Variants in BRDT observed in about 807,000 individuals in gnomAD.
The protein encoded by BRDT is bromodomain testis-specific protein.
A neutral mutation model predicts 113.9 loss-of-function variants in BRDT; 77 were observed. That is an observed-to-expected ratio of 0.68 (90% CI 0.56 to 0.82). The LOEUF is 0.82. Ranked by LOEUF, BRDT falls within the 40% of genes least tolerant of loss-of-function variation. The pLI is 0.00. For synonymous variants in BRDT, 358 were observed against 366.5 expected, an observed-to-expected ratio of 0.98 and a Z score of 0.26; for missense variants, 1,027 against 1,105.4, an observed-to-expected ratio of 0.93 and a Z score of 1.01.
intron 1 of BRDT, 89 bp from the exon 2 acceptor site, chr1:91,962,629 C>G (rs924444103): frequency 1.3e-6 from 1 of 761,246 alleles, no homozygotes; most frequent in Non-Finnish European, 1.9e-6. Context: ...CCACTGTGCC[C>G]GGCTTCTGTT....
At chr1:92,006,902 C>G (rs1253110624) in intron 18 of BRDT, among the ~76,000 whole-genome samples, 1 of 152,082 alleles carries the variant, frequency 6.6e-6, no homozygotes, top group African/African-American at 2.4e-5. Flanking sequence ...ATTCTCATGC[C>G]TCAGCCTCCC....
At chr1:91,992,385 T>G in intron 14 of BRDT, 71 bp downstream of exon 14, 1 of 795,676 alleles carries the variant, frequency 1.3e-6, no homozygotes, top group Non-Finnish European at 1.8e-6. Flanking sequence ...GCTTACTTTT[T>G]AAAATAAGTA....
chr1:91,976,577 T>A, intron 5 of BRDT, 139 bp downstream of exon 5: 1 of 830,998 alleles, frequency 1.2e-6, no homozygotes, highest in African/African-American at 1.8e-5. Context: ...AATAATACTG[T>A]TTCCGCCTCT....
rs116342496 is a variant in BRDT at position 91,975,642 on chromosome 1, T to C, written c.446-624T>C. On this transcript the variant is annotated intron_variant, in intron 4 of 18. Coordinates refer to ENST00000399546, the MANE Select transcript of BRDT (RefSeq NM_207189.4). ...GTTTGAGAGACAGTGGAGTCAAAGA[T>C]GACTTCAAGGTTTTTGTTGTGAACA... is the stretch of plus-strand genomic sequence containing the variant. Among the ~76,000 whole-genome samples the C allele has an allele frequency of 3.1e-3, 466 of 152,318 alleles. 1 individual carries two copies. Among genetic ancestry groups the C allele is most frequent in the African/African-American group, 0.011 (444 of 41,572 alleles).
rs1451730515 is a variant in BRDT, at chr1:91,991,966, T to C, written c.2065-298T>C. On this transcript the variant is annotated intron_variant, in intron 13 of 18. Coordinates refer to ENST00000399546, the MANE Select transcript of BRDT (RefSeq NM_207189.4). ...GAGATTGTGCCACTGCACTCCAGCCTGGGCGACAGAGCAAGACTCTGTCTC... is the reference window on the plus strand; with the variant it reads ...GAGATTGTGCCACTGCACTCCAGCCCGGGCGACAGAGCAAGACTCTGTCTC... Among the ~76,000 whole-genome samples, 3 of 116,188 alleles carry C rather than the reference T, an allele frequency of 2.6e-5. No individual in the cohort carries two copies. The East Asian group carries it at 8.9e-4, about 34-fold the overall frequency. The allele number at this position is 116,188 out of a possible 152,430, so 76.2% of individuals were successfully genotyped here. A position where few individuals can be genotyped will look rare whatever the true frequency, so the allele number is the denominator to read the frequency against.
At chr1:91,975,373 G>A (rs1258080100) in intron 4 of BRDT, among the ~76,000 whole-genome samples, 1 of 152,138 alleles carries the variant, frequency 6.6e-6, no homozygotes, top group Admixed American at 6.6e-5. Context: ...TGAGCACTTT[G>A]GTTTTTACTT....
chr1:91,999,716 G>A (rs145442046), intron 15 of BRDT, among the ~76,000 whole-genome samples: 67 of 151,992 alleles, frequency 4.4e-4, no homozygotes, highest in African/African-American at 1.5e-3. Context: ...TCTATACTTG[G>A]GTGATCTTTG....
chr1:92,014,151 G>A (rs960137618), intron 18 of BRDT, 55 bp from the exon 19 acceptor site: 8 of 1,128,570 alleles, frequency 7.1e-6, no homozygotes, highest in African/African-American at 1.6e-5. Context: ...TTGTATAGTT[G>A]TAGTAAAGAC....
At chr1:91,967,266 C>T (rs1340629624) in intron 3 of BRDT, among the ~76,000 whole-genome samples, 3 of 150,656 alleles carry the variant, frequency 2.0e-5, no homozygotes, top group South Asian at 2.1e-4. Context: ...ACGGAGTTTT[C>T]GCTCTTGTTG....
chr1:91,957,775 C>A (rs868577351), intron 1 of BRDT, among the ~76,000 whole-genome samples: 2 of 152,122 alleles, frequency 1.3e-5, no homozygotes, highest in African/African-American at 4.8e-5. Context: ...CTATTCCCTC[C>A]TCCCCAAACC....
rs1472441275 is a variant in BRDT, at chr1:91,979,731, A to C, written c.1261A>C (p.Lys421Gln). The change falls in exon 8 of 19, where the codon AAG (lysine) becomes CAG (glutamine). Residue 421 changes from lysine to glutamine, a missense_variant. Coordinates refer to ENST00000399546, the MANE Select transcript of BRDT (RefSeq NM_207189.4). ...TGATGATTCTGAAGATGAGCGAGTT[A>C]AGCGTCTTGCAAAGCTTCAGGAGCA... is the stretch of plus-strand genomic sequence containing the variant. ...SSDDSEDERV[K>Q]RLAKLQEQLK... 6.2e-7 allele frequency: 1 copy of C among 1,610,420 alleles called. No homozygotes were observed. The highest frequency in any genetic ancestry group is 8.5e-7 in the Non-Finnish European group (1 of 1,179,154).
intron 4 of BRDT, among the ~76,000 whole-genome samples, chr1:91,969,073 A>T (rs1683357963): frequency 6.6e-6 from 1 of 151,836 alleles, no homozygotes; most frequent in Non-Finnish European, 1.5e-5. Flanking sequence ...AGTAGCTGGG[A>T]CTACAGGCGC....
chr1:91,996,976 C>A (rs1417967965), intron 15 of BRDT, among the ~76,000 whole-genome samples: 1 of 151,990 alleles, frequency 6.6e-6, no homozygotes, highest in Non-Finnish European at 1.5e-5. Context: ...GGAAAATCTG[C>A]AGAGCAGGAA....
At chr1:91,959,186 A>G (rs1682136359) in intron 1 of BRDT, among the ~76,000 whole-genome samples, 1 of 152,176 alleles carries the variant, frequency 6.6e-6, no homozygotes, top group African/African-American at 2.4e-5. Flanking sequence ...CAAAAAACAA[A>G]CAAAAACGTA....
intron 3 of BRDT, among the ~76,000 whole-genome samples, chr1:91,965,066 G>A (rs1682921111): frequency 6.6e-6 from 1 of 151,704 alleles, no homozygotes; most frequent in South Asian, 2.1e-4. Context: ...CCACCAACCT[G>A]CCTGGCTAAT....
At chr1:92,001,746 G>A (rs1686869364) in intron 15 of BRDT, among the ~76,000 whole-genome samples, 1 of 151,312 alleles carries the variant, frequency 6.6e-6, no homozygotes, top group African/African-American at 2.4e-5. Flanking sequence ...CTAAACTGGA[G>A]AGCTGCTATA....
At position 91,977,122 on chromosome 1, in the gene BRDT, C is replaced by T. The variant is rs763138357; in HGVS notation, c.698C>T (p.Pro233Leu). The T allele has an allele frequency of 5.6e-6, 9 of 1,613,496 alleles. No individual in the cohort carries two copies. The highest frequency in any genetic ancestry group is 1.7e-5 in the Admixed American group (1 of 59,928). ...GTTAAAGCAAGTAGTGAATTTTCTCCAACATTCACAGAAAAATCAGTGGCA... is the reference window on the plus strand; with the variant it reads ...GTTAAAGCAAGTAGTGAATTTTCTCTAACATTCACAGAAAAATCAGTGGCA... Reference protein sequence around the residue: ...SAVKASSEFSPTFTEKSVALP... With the variant: ...SAVKASSEFSLTFTEKSVALP... The change falls in exon 6 of 19, where the codon CCA (proline) becomes CTA (leucine). Residue 233 changes from proline (P) to leucine (L), a missense_variant. Transcript: ENST00000399546.
intron 1 of BRDT, among the ~76,000 whole-genome samples, chr1:91,960,238 G>A (rs567660574): frequency 3.0e-4 from 45 of 152,274 alleles, no homozygotes; most frequent in African/African-American, 9.4e-4. Flanking sequence ...TGAGACACTT[G>A]TAAACCCATG....
chr1:91,976,531 T>C (rs776736162), intron 5 of BRDT, 93 bp downstream of exon 5: 46 of 1,255,322 alleles, frequency 3.7e-5, no homozygotes, highest in Non-Finnish European at 4.9e-5. Context: ...TCTAGCAATT[T>C]TTCTTTTTTA....
Sources: gnomAD v4.1 joint callset for allele counts (sites outside exome capture counted in the v4.1 genomes callset) on GRCh38, gnomAD v4.1.1 for gene constraint, MANE v1.5 for transcripts, NCBI Gene and HGNC (gene_info 2026-07-23, HGNC 2026-07-21) for gene names.